The following SASH1 variants were observed in gnomAD, a reference collection of about 807,000 sequenced individuals.
The protein encoded by SASH1 is SAM and SH3 domain-containing protein 1.
In SASH1, 44 loss-of-function variants were observed where a neutral mutation model predicts 125.2. That is an observed-to-expected ratio of 0.35 (90% confidence interval 0.28 to 0.45). The LOEUF (loss-of-function observed/expected upper bound fraction) is 0.45. SASH1 is among the 20% of genes least tolerant of loss of function. The probability of loss-of-function intolerance (pLI) is 1.00; values close to 1 mark genes in which losing one functional copy is unlikely to be tolerated. For missense variants in SASH1, 1,426 were observed against 1,614.5 expected, an observed-to-expected ratio of 0.88 and a Z score of 2.00; for synonymous variants, 639 against 649.1, an observed-to-expected ratio of 0.98 and a Z score of 0.24.
intron 5 of SASH1, among the ~76,000 whole-genome samples, chr6:148,470,800 T>G (rs1377590238): frequency 3.3e-5 from 5 of 152,016 alleles, no homozygotes; most frequent in African/African-American, 9.7e-5. Flanking sequence ...CCAGGTAGCC[T>G]GAATGCCAGG....
At chr6:148,232,532 A>G in the SASH1 span, among the ~76,000 whole-genome samples, 2 of 152,212 alleles carry the variant, frequency 1.3e-5, no homozygotes, top group Non-Finnish European at 2.9e-5. Flanking sequence ...GAAGAAACTG[A>G]TACTCGGTGT....
At chr6:148,383,635 T>TTTA (rs1783243283) in intron 1 of SASH1, among the ~76,000 whole-genome samples, 1 of 152,222 alleles carries the variant, frequency 6.6e-6, no homozygotes, top group Non-Finnish European at 1.5e-5. Flanking sequence ...TTTTTTTCTT[T>TTTA]TTATTTTTTT....
the SASH1 span, among the ~76,000 whole-genome samples, chr6:148,211,308 T>C: frequency 5.5e-4 from 84 of 152,264 alleles, no homozygotes; most frequent in African/African-American, 2.0e-3. Flanking sequence ...CGGTGGCTCA[T>C]GGCTGTAATC....
intron 1 of SASH1, among the ~76,000 whole-genome samples, chr6:148,305,623 C>CAAAAAAAAAAAAAAAAAAAAAA (rs59521298): frequency 2.9e-5 from 3 of 104,376 alleles, no homozygotes; most frequent in African/African-American, 3.8e-5. Flanking sequence ...GACTCTGACT[C>CAAAAAAAAAAAAAAAAAAAAAA]AAAAAAAAAA....
chr6:148,426,058 A>G (rs898056049), intron 2 of SASH1, among the ~76,000 whole-genome samples: 1 of 151,848 alleles, frequency 6.6e-6, no homozygotes, highest in African/African-American at 2.4e-5. Context: ...AAAATACAAA[A>G]GTTAGCTGGG....
chr6:148,426,770 G>A (rs1363321322), intron 2 of SASH1, among the ~76,000 whole-genome samples: 2 of 152,174 alleles, frequency 1.3e-5, no homozygotes, highest in African/African-American at 2.4e-5. Context: ...AAGGAAATGA[G>A]CTTATGTAGT....
At chr6:148,436,349 C>T (rs140698372) in intron 2 of SASH1, among the ~76,000 whole-genome samples, 1 of 151,826 alleles carries the variant, frequency 6.6e-6, no homozygotes, top group Non-Finnish European at 1.5e-5. Context: ...AAAAAGTAGC[C>T]AGGCATGATG....
intron 1 of SASH1, among the ~76,000 whole-genome samples, chr6:148,359,325 G>T (rs1441221108): frequency 5.8e-5 from 8 of 138,538 alleles, no homozygotes; most frequent in Non-Finnish European, 9.2e-5. Context: ...TGCTTGGCCG[G>T]TTTTTTTTTT....
intron 1 of SASH1, among the ~76,000 whole-genome samples, chr6:148,345,393 A>G (rs1781489886): frequency 6.6e-6 from 1 of 152,204 alleles, no homozygotes; most frequent in Admixed American, 6.5e-5. Flanking sequence ...TGCAGGAGCA[A>G]AGAAAATATG....
chr6:148,290,539 A>G (rs1582922322), intron 1 of SASH1, among the ~76,000 whole-genome samples: 2 of 152,044 alleles, frequency 1.3e-5, no homozygotes, highest in Admixed American at 6.6e-5. Context: ...CCGGGAGGCG[A>G]AGCTTGCAGT....
intron 7 of SASH1, among the ~76,000 whole-genome samples, chr6:148,486,045 C>T (rs1348153230): frequency 1.3e-5 from 2 of 152,186 alleles, no homozygotes; most frequent in Non-Finnish European, 2.9e-5. Context: ...TAAATTTGCT[C>T]ACTTATTTGG....
intron 8 of SASH1, among the ~76,000 whole-genome samples, chr6:148,498,234 CAA>C (rs67287043): frequency 3.5e-4 from 47 of 133,528 alleles, no homozygotes; most frequent in Non-Finnish European, 4.4e-4. Flanking sequence ...AACAAACAAA[CAA>C]AAAAAAAAAA....
At chr6:148,343,563 G>A (rs1781415817) in intron 1 of SASH1, among the ~76,000 whole-genome samples, 1 of 152,204 alleles carries the variant, frequency 6.6e-6, no homozygotes, top group Non-Finnish European at 1.5e-5. Flanking sequence ...TGCTGGATTA[G>A]GGAAAAGGCT....
intron 2 of SASH1, among the ~76,000 whole-genome samples, chr6:148,431,238 G>T (rs1446426845): frequency 6.6e-6 from 1 of 151,444 alleles, no homozygotes; most frequent in East Asian, 1.9e-4. Flanking sequence ...TCACTCTGTC[G>T]CCCAGGCTGG....
intron 7 of SASH1, among the ~76,000 whole-genome samples, chr6:148,482,706 T>TTTTTTTTTTTTG (rs1778681819): frequency 6.9e-6 from 1 of 144,314 alleles, no homozygotes; most frequent in Non-Finnish European, 1.5e-5. Context: ...TTTTTTTTTT[T>TTTTTTTTTTTTG]GAGAGAGAGT....
At chr6:148,373,117 G>A (rs1782761774) in intron 1 of SASH1, among the ~76,000 whole-genome samples, 1 of 152,114 alleles carries the variant, frequency 6.6e-6, no homozygotes, top group Non-Finnish European at 1.5e-5. Flanking sequence ...CTTGAACCTG[G>A]GAGGCAGAGG....
At chr6:148,512,990 C>T in intron 8 of SASH1, 1 of 985,244 alleles carries the variant, frequency 1.0e-6, no homozygotes, top group Non-Finnish European at 1.2e-6. Flanking sequence ...TGTTTATATC[C>T]CTTACTATCC....
At chr6:148,203,652 C>T in the SASH1 span, among the ~76,000 whole-genome samples, 1 of 152,196 alleles carries the variant, frequency 6.6e-6, no homozygotes, top group Non-Finnish European at 1.5e-5. Flanking sequence ...CTTTCTGCCA[C>T]ACCATCTGGC....
Position 148,440,385 on chromosome 6 carries a change from T to G in SASH1, c.364T>G (p.Ser122Ala), listed in dbSNP as rs1268540148. Residue 122 changes from serine to alanine, a missense_variant, in exon 4 of 20, where the codon TCA becomes GCA. Around this residue, in one of 3 missense-constraint regions of SASH1, gnomAD observed 567 missense variants for 575.6 expected, o/e 0.99. Coordinates refer to ENST00000367467, the MANE Select transcript of SASH1 (RefSeq NM_015278.5). ...GTCGCTTGGCTTCTGTAGCGCCGTG[T>G]CAACCCCAGAAGTGGAAAGAAAGTA... ...EESLGFCSAV[S>A]TPEVERKNPL... The G allele has an allele frequency of 6.2e-7, 1 of 1,613,988 alleles. No homozygotes were observed. Among genetic ancestry groups the G allele is most frequent in the Non-Finnish European group, 8.5e-7 (1 of 1,180,014 alleles).
Sources: gnomAD v4.1 joint callset for allele counts (sites outside exome capture counted in the v4.1 genomes callset) on GRCh38, gnomAD v4.1.1 for gene constraint, gnomAD v4.1.1 regional missense constraint, MANE v1.5 for transcripts, NCBI Gene and HGNC (gene_info 2026-07-23, HGNC 2026-07-21) for gene names.